The following B3GALT1 variants were observed in gnomAD, a reference collection of about 807,000 sequenced individuals.
B3GALT1 encodes the protein beta-1,3-galactosyltransferase 1.
A neutral mutation model predicts 23.2 loss-of-function variants in B3GALT1; 10 were observed. That is an observed-to-expected ratio of 0.43 (90% CI 0.27 to 0.73). The LOEUF is 0.73. Among genes scored for constraint, B3GALT1 ranks in the 30% least tolerant of loss-of-function variants. B3GALT1 has a pLI of 0.21. For missense variants in B3GALT1, 299 were observed against 405.4 expected (o/e 0.74, Z 2.25); for synonymous variants, 156 against 141.5 (o/e 1.10, Z -0.73).
At chr2:167,803,210 G>A (rs1278020867) in intron 3 of B3GALT1, among the ~76,000 whole-genome samples, 1 of 151,964 alleles carries the variant, frequency 6.6e-6, no homozygotes, top group Admixed American at 6.6e-5. Context: ...TAAAAAAATT[G>A]TGGTGAAGCA....
At chr2:167,387,109 ATTG>A (rs1697941193) in intron 1 of B3GALT1, among the ~76,000 whole-genome samples, 1 of 152,152 alleles carries the variant, frequency 6.6e-6, no homozygotes, top group Non-Finnish European at 1.5e-5. Context: ...TGTACTTGGC[ATTG>A]TTGTATTTAT....
intron 3 of B3GALT1, among the ~76,000 whole-genome samples, chr2:167,665,087 T>C (rs1346105896): frequency 6.6e-6 from 1 of 152,064 alleles, no homozygotes; most frequent in African/African-American, 2.4e-5. Flanking sequence ...CAGTATGATA[T>C]TGGCTGTGGG....
chr2:167,473,008 A>G (rs528054040), intron 1 of B3GALT1, among the ~76,000 whole-genome samples: 1 of 152,240 alleles, frequency 6.6e-6, no homozygotes, highest in African/African-American at 2.4e-5. Context: ...GAATTTGGGT[A>G]CTTAATTATA....
chr2:167,432,638 G>T (rs934143621), intron 1 of B3GALT1, among the ~76,000 whole-genome samples: 1 of 152,170 alleles, frequency 6.6e-6, no homozygotes, highest in African/African-American at 2.4e-5. Context: ...TTTTTGTGGA[G>T]CTCTTATCAG....
chr2:167,335,861 C>T (rs1697051328), intron 1 of B3GALT1, among the ~76,000 whole-genome samples: 1 of 152,052 alleles, frequency 6.6e-6, no homozygotes, highest in African/African-American at 2.4e-5. Context: ...TGACTAACTT[C>T]CTAGGAAGGC....
chr2:167,675,504 C>T (rs577589822), intron 3 of B3GALT1, among the ~76,000 whole-genome samples: 2 of 152,260 alleles, frequency 1.3e-5, no homozygotes, highest in Non-Finnish European at 2.9e-5. Flanking sequence ...ACACTTGCAT[C>T]GTTCAGAGGT....
intron 1 of B3GALT1, among the ~76,000 whole-genome samples, chr2:167,293,593 G>T (rs898680646): frequency 6.6e-6 from 1 of 152,124 alleles, no homozygotes; most frequent in African/African-American, 2.4e-5. Context: ...CGCGCGCGCG[G>T]CTTGGGGCAC....
Position 167,506,112 on chromosome 2 carries a change from C to A in B3GALT1, c.-410+15835C>A, listed in dbSNP as rs140542594. Among the ~76,000 whole-genome samples the A allele has an allele frequency of 7.9e-4, 121 of 152,220 alleles. 1 individual carries two copies. The highest frequency in any genetic ancestry group is 2.8e-3 in the African/African-American group (115 of 41,558). On this transcript the variant is annotated intron_variant, in intron 2 of 4. Coordinates refer to ENST00000392690, the MANE Select transcript of B3GALT1 (RefSeq NM_020981.4). ...TTCATTCATGGTTCAAGCAACACAA[C>A]TCTATGATGTCTTTCCTTATACCCC...
intron 1 of B3GALT1, among the ~76,000 whole-genome samples, chr2:167,375,024 T>C (rs1310198064): frequency 1.3e-5 from 2 of 152,170 alleles, no homozygotes; most frequent in Non-Finnish European, 2.9e-5. Flanking sequence ...TGGCGAAAGA[T>C]AGGGGTCCAG....
intron 3 of B3GALT1, among the ~76,000 whole-genome samples, chr2:167,759,295 C>T (rs1687865132): frequency 6.6e-6 from 1 of 152,168 alleles, no homozygotes; most frequent in South Asian, 2.1e-4. Context: ...CTTGCCTAGA[C>T]TTCAGTTTCC....
At chr2:167,544,730 G>C (rs1683596727) in intron 2 of B3GALT1, among the ~76,000 whole-genome samples, 1 of 152,074 alleles carries the variant, frequency 6.6e-6, no homozygotes, top group African/African-American at 2.4e-5. Flanking sequence ...TGCCAACTCC[G>C]CCGACGTTGT....
intron 3 of B3GALT1, among the ~76,000 whole-genome samples, chr2:167,662,501 G>A (rs1395559636): frequency 6.6e-6 from 1 of 152,014 alleles, no homozygotes; most frequent in African/African-American, 2.4e-5. Flanking sequence ...AACAATCAGT[G>A]CCCAGTTGGC....
chr2:167,329,661 T>C (rs776329043), intron 1 of B3GALT1, among the ~76,000 whole-genome samples: 3 of 152,224 alleles, frequency 2.0e-5, no homozygotes, highest in Non-Finnish European at 4.4e-5. Context: ...TGGATGCATA[T>C]ATATTTAGAA....
intron 1 of B3GALT1, among the ~76,000 whole-genome samples, chr2:167,368,774 A>G (rs1697631433): frequency 6.6e-6 from 1 of 152,180 alleles, no homozygotes; most frequent in African/African-American, 2.4e-5. Context: ...CATGTTGTCT[A>G]ACTATTGATA....
At chr2:167,576,935 CAA>C (rs1170228785) in intron 2 of B3GALT1, among the ~76,000 whole-genome samples, 2 of 151,672 alleles carry the variant, frequency 1.3e-5, no homozygotes, top group African/African-American at 4.8e-5. Flanking sequence ...ATGGAGAAAA[CAA>C]AAGAGAAATC....
chr2:167,699,704 A>G (rs1033769752), intron 3 of B3GALT1, among the ~76,000 whole-genome samples: 1 of 152,068 alleles, frequency 6.6e-6, no homozygotes, highest in African/African-American at 2.4e-5. Flanking sequence ...ATGAACCAAT[A>G]TATTTTAGAC....
intron 2 of B3GALT1, among the ~76,000 whole-genome samples, chr2:167,583,404 G>T (rs1206385449): frequency 6.6e-6 from 1 of 152,208 alleles, no homozygotes; most frequent in Non-Finnish European, 1.5e-5. Context: ...AGAAATTTAA[G>T]AAATTCATTT....
intron 3 of B3GALT1, among the ~76,000 whole-genome samples, chr2:167,795,718 T>C (rs1400919813): frequency 6.6e-6 from 1 of 152,202 alleles, no homozygotes; most frequent in Non-Finnish European, 1.5e-5. Flanking sequence ...GGAAACTGAC[T>C]GTCCTACCAC....
chr2:167,512,692 A>G (rs1236546070), intron 2 of B3GALT1, among the ~76,000 whole-genome samples: 2 of 145,486 alleles, frequency 1.4e-5, no homozygotes, highest in South Asian at 2.1e-4. Flanking sequence ...GTTGGAGTGC[A>G]GTGATGCCAT....
Sources: gnomAD v4.1 joint callset for allele counts (sites outside exome capture counted in the v4.1 genomes callset) on GRCh38, gnomAD v4.1.1 for gene constraint, MANE v1.5 for transcripts, NCBI Gene and HGNC (gene_info 2026-07-23, HGNC 2026-07-21) for gene names.